The following ZNF385D variants were observed in gnomAD, a reference collection of about 807,000 sequenced individuals.
ZNF385D encodes the protein zinc finger protein 385D, also known as zinc finger protein 659.
ZNF385D carries 15 observed loss-of-function variants against 35.8 expected under a neutral mutation model. That is an observed-to-expected ratio of 0.42 (90% CI 0.28 to 0.64). The LOEUF (loss-of-function observed/expected upper bound fraction) is 0.64, where lower values mean the gene tolerates loss of function less well. ZNF385D is among the 30% of genes least tolerant of loss of function. The pLI is 0.23. For missense variants in ZNF385D, 474 were observed against 494.6 expected (o/e 0.96, Z 0.39); for synonymous variants, 212 against 186.8 (o/e 1.13, Z -1.10).
chr3:21,500,666 T>G (rs1251715994), intron 4 of ZNF385D, among the ~76,000 whole-genome samples: 1 of 152,172 alleles, frequency 6.6e-6, no homozygotes, highest in African/African-American at 2.4e-5. Flanking sequence ...CTTTCAGTCC[T>G]CAAGTGAGGT....
intron 2 of ZNF385D, among the ~76,000 whole-genome samples, chr3:21,601,780 C>A (rs935080015): frequency 6.6e-6 from 1 of 152,046 alleles, no homozygotes; most frequent in Non-Finnish European, 1.5e-5. Context: ...GCAGTCCCGC[C>A]CCCTGGAAGC....
chr3:22,021,869 G>A (rs1343751542), intron 3 of ZNF385D, among the ~76,000 whole-genome samples: 5 of 152,118 alleles, frequency 3.3e-5, no homozygotes, highest in South Asian at 2.1e-4. Context: ...TCTAGGATGC[G>A]GCCTGCACTT....
intron 2 of ZNF385D, among the ~76,000 whole-genome samples, chr3:21,574,999 TAACA>T (rs2063452307): frequency 1.3e-5 from 2 of 152,300 alleles, no homozygotes; most frequent in African/African-American, 4.8e-5. Flanking sequence ...TTCATTTTCT[TAACA>T]AACATAAAAC....
chr3:22,230,178 G>T (rs1228474867), intron 2 of ZNF385D, among the ~76,000 whole-genome samples: 1 of 152,040 alleles, frequency 6.6e-6, no homozygotes, highest in South Asian at 2.1e-4. Flanking sequence ...TAAAGAAAAA[G>T]AAACTCATTT....
At chr3:22,175,728 T>C (rs554002238) in intron 2 of ZNF385D, among the ~76,000 whole-genome samples, 173 of 151,824 alleles carry the variant, frequency 1.1e-3, no homozygotes, top group African/African-American at 4.1e-3. Flanking sequence ...TATATGCATA[T>C]ACATACTGTA....
chr3:22,263,266 G>C (rs1700726634), intron 2 of ZNF385D, among the ~76,000 whole-genome samples: 1 of 151,998 alleles, frequency 6.6e-6, no homozygotes, highest in Non-Finnish European at 1.5e-5. Context: ...GTCACCTCCA[G>C]CAAAGCTGCC....
chr3:21,844,806 T>C (rs1311615111), intron 3 of ZNF385D, among the ~76,000 whole-genome samples: 1 of 151,974 alleles, frequency 6.6e-6, no homozygotes, highest in East Asian at 1.9e-4. Context: ...AAATGATCAA[T>C]TTTACTGAAA....
At chr3:21,976,756 GC>G (rs2125356647) in intron 3 of ZNF385D, among the ~76,000 whole-genome samples, 1 of 152,304 alleles carries the variant, frequency 6.6e-6, no homozygotes, top group Non-Finnish European at 1.5e-5. Context: ...ACTTTGGGAA[GC>G]CAAGGCATGC....
At chr3:22,183,419 G>A (rs1461619787) in intron 2 of ZNF385D, among the ~76,000 whole-genome samples, 1 of 151,994 alleles carries the variant, frequency 6.6e-6, no homozygotes, top group Non-Finnish European at 1.5e-5. Context: ...GTGCAGTGGT[G>A]CAATCTTGGC....
intron 2 of ZNF385D, among the ~76,000 whole-genome samples, chr3:21,580,549 T>C (rs541084634): frequency 6.6e-6 from 1 of 152,258 alleles, no homozygotes; most frequent in Non-Finnish European, 1.5e-5. Flanking sequence ...ATTTTTTTCT[T>C]GCTTTACTGC....
At chr3:21,937,048 CAG>C (rs1159164316) in intron 3 of ZNF385D, among the ~76,000 whole-genome samples, 3 of 151,976 alleles carry the variant, frequency 2.0e-5, no homozygotes, top group African/African-American at 7.3e-5. Flanking sequence ...TATTCTTTGT[CAG>C]AGAGATTTGC....
intron 3 of ZNF385D, among the ~76,000 whole-genome samples, chr3:22,139,886 A>G (rs576706864): frequency 9.8e-5 from 15 of 152,322 alleles, no homozygotes; most frequent in Admixed American, 3.9e-4. Flanking sequence ...AGCGTGAAAT[A>G]AAAGATAGTG....
chr3:22,316,347 C>A (rs1703884167), intron 2 of ZNF385D, among the ~76,000 whole-genome samples: 2 of 152,182 alleles, frequency 1.3e-5, no homozygotes, highest in Non-Finnish European at 2.9e-5. Context: ...AACGCTGTCT[C>A]AGTGATTTGG....
chr3:21,722,099 CAAAA>C (rs56852209), intron 1 of ZNF385D, among the ~76,000 whole-genome samples: 3 of 112,536 alleles, frequency 2.7e-5, no homozygotes, highest in Non-Finnish European at 3.7e-5. Context: ...GACTCTGTCT[CAAAA>C]AAAAAAAAAA....
chr3:21,779,294 C>T (rs546210570), intron 3 of ZNF385D, among the ~76,000 whole-genome samples: 1 of 152,042 alleles, frequency 6.6e-6, no homozygotes, highest in South Asian at 2.1e-4. Context: ...ACTTCTAACT[C>T]AGTGATCATA....
At chr3:21,900,022 C>G (rs541815972) in intron 3 of ZNF385D, among the ~76,000 whole-genome samples, 7 of 152,096 alleles carry the variant, frequency 4.6e-5, no homozygotes, top group African/African-American at 1.7e-4. Context: ...TGCTTTTCAA[C>G]CCTATGTTCA....
At chr3:22,130,913 T>C (rs1488879086) in intron 3 of ZNF385D, among the ~76,000 whole-genome samples, 2 of 152,154 alleles carry the variant, frequency 1.3e-5, no homozygotes, top group African/African-American at 4.8e-5. Flanking sequence ...TATTTATTTT[T>C]ATTTATCACA....
intron 3 of ZNF385D, among the ~76,000 whole-genome samples, chr3:21,837,320 G>C (rs1433209393): frequency 6.6e-6 from 1 of 152,032 alleles, no homozygotes; most frequent in Non-Finnish European, 1.5e-5. Context: ...AAGTATGGTG[G>C]GTTGTCTGCA....
At chr3:21,903,317 T>G (rs1699506905) in intron 3 of ZNF385D, among the ~76,000 whole-genome samples, 2 of 152,166 alleles carry the variant, frequency 1.3e-5, no homozygotes, top group African/African-American at 4.8e-5. Flanking sequence ...GGAGACTTAC[T>G]TCAGGGATCA....
Sources: gnomAD v4.1 joint callset for allele counts (sites outside exome capture counted in the v4.1 genomes callset) on GRCh38, gnomAD v4.1.1 for gene constraint, MANE v1.5 for transcripts, NCBI Gene and HGNC (gene_info 2026-07-23, HGNC 2026-07-21) for gene names.